The following PDE11A variants were observed in gnomAD, a reference collection of about 807,000 sequenced individuals.
PDE11A encodes phosphodiesterase 11A, also known as dual 3',5'-cyclic-AMP and -GMP phosphodiesterase 11A.
Under a neutral mutation model 100.5 loss-of-function variants are expected in PDE11A, and 100 were observed. That is an observed-to-expected ratio of 1.00 (90% confidence interval 0.85 to 1.18). The LOEUF (loss-of-function observed/expected upper bound fraction) is 1.18, where lower values mean the gene tolerates loss of function less well. Among genes scored for constraint, PDE11A ranks in the 50% most tolerant of loss-of-function variants. The pLI, the probability that PDE11A is intolerant of heterozygous loss-of-function variation, is 0.00. For missense variants in PDE11A, 1,141 were observed against 1,152.6 expected, an observed-to-expected ratio of 0.99 and a Z score of 0.15; for synonymous variants, 381 against 420.8, an observed-to-expected ratio of 0.91 and a Z score of 1.16.
In PDE11A at chr2:177,840,345, C is replaced by T. The variant is rs766411719; in HGVS notation, c.1406G>A (p.Trp469Ter). The change falls in exon 6 of 20, where the codon TGG becomes TAG. Residue 469 changes from tryptophan to a stop codon, truncating the protein, a stop_gained. Transcript: ENST00000286063. LOFTEE classifies it high-confidence loss of function. ...ESMEKSSYSD[W>*]LINNSIAELV... ...CTCAGCAATGCTGTTATTTATTAGC[C>T]AGTCGGAGTATGATGATTTCTCCAT... 1.2e-6 allele frequency: 2 copies of T among 1,613,542 alleles called. No homozygotes were observed. Among genetic ancestry groups the T allele is most frequent in the Non-Finnish European group, 1.7e-6 (2 of 1,179,492 alleles).
intron 9 of PDE11A, among the ~76,000 whole-genome samples, chr2:177,787,966 T>C (rs4487116): frequency 0.33 from 50,136 of 151,360 alleles, 8,662 homozygotes; most frequent in African/African-American, 0.39. Context: ...ACTGTCAACA[T>C]TAGACAGATC....
At chr2:177,895,588 A>G (rs1458469882) in intron 4 of PDE11A, among the ~76,000 whole-genome samples, 2 of 152,186 alleles carry the variant, frequency 1.3e-5, no homozygotes, top group African/African-American at 4.8e-5. Context: ...CTTTAAAAAG[A>G]ATAACATTTT....
Position 177,730,614 on chromosome 2 carries a change from C to T in PDE11A, c.1789-2442G>A, listed in dbSNP as rs542189950. Among the ~76,000 whole-genome samples the T allele has an allele frequency of 5.3e-5, 8 of 151,894 alleles. No homozygotes were observed. In the East Asian group the frequency reaches 1.2e-3, roughly 22 times the overall value. ...TCTTACTGTTGAGATTTTAATACCA[C>T]GGTTTTCATTCTAAGAGCTCTTCTT... is the stretch of plus-strand genomic sequence containing the variant. On this transcript the variant is annotated intron_variant, in intron 10 of 19. Transcript: ENST00000286063.
intron 2 of PDE11A, among the ~76,000 whole-genome samples, chr2:178,009,959 T>C (rs564684625): frequency 1.3e-4 from 20 of 152,350 alleles, no homozygotes; most frequent in Non-Finnish European, 2.2e-4. Context: ...CTCATGTGAA[T>C]GATGACATGG....
In PDE11A at chr2:177,751,400, C is replaced by CA. The variant is rs545823471; in HGVS notation, c.1788+17922dup. On this transcript the variant is annotated intron_variant, in intron 10 of 19. Coordinates refer to ENST00000286063, the MANE Select transcript of PDE11A (RefSeq NM_016953.4). Reference sequence around the variant, plus strand: ...GTAAATGACTAATAGCGCTTCCTCACAAAAAATGATGAGAACCTCTGTTGT... The same window carrying CA: ...GTAAATGACTAATAGCGCTTCCTCACAAAAAAATGATGAGAACCTCTGTTGT... 1.5e-3 allele frequency among the ~76,000 whole-genome samples: 229 copies of CA among 152,230 alleles called. 1 individual carries two copies. Among genetic ancestry groups the CA allele is most frequent in the Non-Finnish European group, 2.9e-3 (195 of 67,992 alleles).
chr2:177,813,152 C>T (rs2082976288), intron 9 of PDE11A, among the ~76,000 whole-genome samples: 1 of 152,208 alleles, frequency 6.6e-6, no homozygotes, highest in African/African-American at 2.4e-5. Flanking sequence ...CCCTGCTCTG[C>T]CTCATCTTTC....
intron 2 of PDE11A, among the ~76,000 whole-genome samples, chr2:177,968,430 T>C (rs2085726074): frequency 6.6e-6 from 1 of 152,224 alleles, no homozygotes. Context: ...TATGCTAAGG[T>C]AGAAATTGTT....
chr2:177,791,097 T>C (rs906391520), intron 9 of PDE11A, among the ~76,000 whole-genome samples: 3 of 152,148 alleles, frequency 2.0e-5, no homozygotes, highest in East Asian at 1.9e-4. Flanking sequence ...TGTATGTTTA[T>C]TGAGGCACTA....
At chr2:177,706,960 T>G (rs1015640332) in intron 13 of PDE11A, among the ~76,000 whole-genome samples, 11 of 152,160 alleles carry the variant, frequency 7.2e-5, no homozygotes, top group African/African-American at 2.4e-4. Flanking sequence ...GTTTTATAAT[T>G]TTTATGGCTT....
intron 2 of PDE11A, among the ~76,000 whole-genome samples, chr2:177,951,302 A>C (rs2105783061): frequency 6.6e-6 from 1 of 152,370 alleles, no homozygotes; most frequent in East Asian, 1.9e-4. Flanking sequence ...AGGCTTTAAT[A>C]GCTGGATTCT....
At chr2:178,054,271 G>A (rs1232182285) in intron 1 of PDE11A, among the ~76,000 whole-genome samples, 1 of 152,166 alleles carries the variant, frequency 6.6e-6, no homozygotes. Context: ...TTAGCAAATG[G>A]TGCTGGGAAA....
chr2:177,678,761 G>T (rs2080816536), intron 16 of PDE11A, among the ~76,000 whole-genome samples: 1 of 152,048 alleles, frequency 6.6e-6, no homozygotes, highest in Non-Finnish European at 1.5e-5. Flanking sequence ...TTCCATATGG[G>T]GTTCCTTGTC....
intron 5 of PDE11A, among the ~76,000 whole-genome samples, chr2:177,845,034 G>C (rs1313671630): frequency 6.6e-6 from 1 of 151,426 alleles, no homozygotes. Flanking sequence ...ATCCTGGCCC[G>C]TTCTCAATGA....
At chr2:178,019,901 T>C (rs1193760668) in intron 1 of PDE11A, among the ~76,000 whole-genome samples, 1 of 152,172 alleles carries the variant, frequency 6.6e-6, no homozygotes, top group Non-Finnish European at 1.5e-5. Context: ...AGAAGGTTGA[T>C]AAATCAATTT....
intron 7 of PDE11A, among the ~76,000 whole-genome samples, chr2:177,819,352 A>C (rs753918875): frequency 3.9e-5 from 6 of 152,100 alleles, no homozygotes; most frequent in African/African-American, 9.6e-5. Context: ...AGGCAATTTT[A>C]GGGGGAAGCA....
At chr2:178,056,965 G>A (rs1183496528) in intron 1 of PDE11A, among the ~76,000 whole-genome samples, 1 of 152,010 alleles carries the variant, frequency 6.6e-6, no homozygotes, top group South Asian at 2.1e-4. Flanking sequence ...AGGAACGGCA[G>A]GTGTGGGATG....
intron 1 of PDE11A, among the ~76,000 whole-genome samples, chr2:178,026,421 G>A (rs2086478581): frequency 1.3e-5 from 2 of 152,088 alleles, no homozygotes; most frequent in Admixed American, 1.3e-4. Flanking sequence ...CAGCACTTTG[G>A]GAGGCCAAGG....
intron 1 of PDE11A, among the ~76,000 whole-genome samples, chr2:178,043,755 G>C (rs2086711797): frequency 6.6e-6 from 1 of 152,140 alleles, no homozygotes; most frequent in Non-Finnish European, 1.5e-5. Context: ...ACCATGCAAA[G>C]TGGATACTAT....
chr2:178,082,427 A>T (rs1320066923), intron 2 of PDE11A, among the ~76,000 whole-genome samples: 1 of 152,198 alleles, frequency 6.6e-6, no homozygotes, highest in East Asian at 1.9e-4. Context: ...CAACTAAAAA[A>T]TGCCAGTTTA....
Sources: allele counts gnomAD v4.1 joint callset (sites outside exome capture counted in the v4.1 genomes callset), GRCh38; gene constraint gnomAD v4.1.1; transcripts MANE v1.5; gene names NCBI Gene and HGNC (gene_info 2026-07-23, HGNC 2026-07-21).